Variants in GPR63 observed in about 807,000 individuals in gnomAD.
The protein encoded by GPR63 is probable G protein-coupled receptor 63.
A neutral mutation model predicts 23.1 loss-of-function variants in GPR63; 12 were observed. The ratio of observed to expected loss-of-function variants is 0.52; its 90% CI spans 0.33 to 0.84. GPR63 has a LOEUF of 0.84. Among genes scored for constraint, GPR63 ranks in the 40% least tolerant of loss-of-function variants. The probability of loss-of-function intolerance (pLI) is 0.02; values close to 1 mark genes in which losing one functional copy is unlikely to be tolerated. For synonymous variants in GPR63, 172 were observed against 191.1 expected (o/e 0.90, Z 0.82); for missense variants, 472 against 515.6 (o/e 0.92, Z 0.82).
intron 1 of GPR63, among the ~76,000 whole-genome samples, chr6:96,804,295 G>A (rs1281419380): frequency 6.6e-6 from 1 of 152,058 alleles, no homozygotes; most frequent in Non-Finnish European, 1.5e-5. Context: ...GGAGTGTGGT[G>A]GCACAATCAC....
chr6:96,808,596 G>A (rs1315132616), intron 1 of GPR63, among the ~76,000 whole-genome samples: 1 of 152,156 alleles, frequency 6.6e-6, no homozygotes, highest in Non-Finnish European at 1.5e-5. Context: ...TGATGCTGCA[G>A]TAATATAAAT....
chr6:96,834,715 A>C (rs2127963708), intron 1 of GPR63, among the ~76,000 whole-genome samples: 1 of 152,362 alleles, frequency 6.6e-6, no homozygotes, highest in Non-Finnish European at 1.5e-5. Flanking sequence ...TTCATACATA[A>C]GCTGAAATAT....
At chr6:96,810,587 T>C (rs1365414084) in intron 1 of GPR63, among the ~76,000 whole-genome samples, 3 of 151,292 alleles carry the variant, frequency 2.0e-5, no homozygotes, top group Non-Finnish European at 4.4e-5. Context: ...TAGGTCAATC[T>C]AGAATAGTGA....
intron 1 of GPR63, among the ~76,000 whole-genome samples, chr6:96,822,360 G>A (rs780728904): frequency 4.6e-5 from 7 of 151,892 alleles, no homozygotes; most frequent in Non-Finnish European, 2.9e-5. Context: ...GGTTAACTTG[G>A]GAAGGTTCCG....
At chr6:96,826,770 T>C (rs776932039) in intron 1 of GPR63, among the ~76,000 whole-genome samples, 5 of 151,818 alleles carry the variant, frequency 3.3e-5, no homozygotes, top group Non-Finnish European at 5.9e-5. Flanking sequence ...AACTCTACCA[T>C]GTCAAAAGAA....
intron 1 of GPR63, among the ~76,000 whole-genome samples, chr6:96,835,381 A>T (rs2127964112): frequency 6.6e-6 from 1 of 152,266 alleles, no homozygotes; most frequent in East Asian, 1.9e-4. Flanking sequence ...ATACATAAAT[A>T]TAGATATATG....
intron 1 of GPR63, among the ~76,000 whole-genome samples, chr6:96,821,741 C>T (rs936077229): frequency 2.0e-5 from 3 of 152,098 alleles, no homozygotes; most frequent in Non-Finnish European, 4.4e-5. Context: ...GTACCAAGAC[C>T]ATATATGACA....
intron 1 of GPR63, among the ~76,000 whole-genome samples, chr6:96,824,770 T>G (rs1380524801): frequency 6.6e-6 from 1 of 152,132 alleles, no homozygotes; most frequent in Non-Finnish European, 1.5e-5. Flanking sequence ...TGGTTGTTAC[T>G]GGGTTTCCCA....
chr6:96,800,958 C>T (rs1379798139), intron 1 of GPR63, among the ~76,000 whole-genome samples: 1 of 152,174 alleles, frequency 6.6e-6, no homozygotes, highest in African/African-American at 2.4e-5. Flanking sequence ...CAATTTCTTA[C>T]CCAGATTTCT....
At chr6:96,829,789 C>T (rs375360476) in intron 1 of GPR63, among the ~76,000 whole-genome samples, 2 of 152,020 alleles carry the variant, frequency 1.3e-5, no homozygotes, top group African/African-American at 4.8e-5. Flanking sequence ...GCAAGACTCA[C>T]AACTGAGCTA....
intron 1 of GPR63, among the ~76,000 whole-genome samples, chr6:96,823,281 T>C (rs972830817): frequency 1.3e-5 from 2 of 152,178 alleles, no homozygotes; most frequent in Non-Finnish European, 1.5e-5. Context: ...TCACAGGAGA[T>C]GACGGCTCCA....
At chr6:96,814,740 T>TC (rs1312153735) in intron 1 of GPR63, among the ~76,000 whole-genome samples, 3 of 152,140 alleles carry the variant, frequency 2.0e-5, no homozygotes, top group African/African-American at 4.8e-5. Context: ...AGACTAGCCT[T>TC]CCCTAAAGGC....
intron 1 of GPR63, among the ~76,000 whole-genome samples, chr6:96,808,824 T>C (rs1370649284): frequency 6.6e-6 from 1 of 152,140 alleles, no homozygotes; most frequent in East Asian, 1.9e-4. Flanking sequence ...GTGCACAATG[T>C]GCAGGTTAGT....
At chr6:96,830,646 G>GT (rs1247225064) in intron 1 of GPR63, among the ~76,000 whole-genome samples, 7 of 152,136 alleles carry the variant, frequency 4.6e-5, no homozygotes, top group Admixed American at 4.6e-4. Context: ...GTACATGCGT[G>GT]TTTACCTTCT....
chr6:96,823,875 G>C (rs1209625922), intron 1 of GPR63, among the ~76,000 whole-genome samples: 1 of 152,134 alleles, frequency 6.6e-6, no homozygotes, highest in Non-Finnish European at 1.5e-5. Context: ...TTGTAGCCCA[G>C]AGACAATAGC....
intron 1 of GPR63, among the ~76,000 whole-genome samples, chr6:96,802,690 C>G (rs1297605309): frequency 6.7e-6 from 1 of 148,454 alleles, no homozygotes; most frequent in African/African-American, 2.5e-5. Flanking sequence ...CAAGCACCTG[C>G]CACCATGCCC....
intron 1 of GPR63, among the ~76,000 whole-genome samples, chr6:96,814,744 T>C (rs2127952636): frequency 6.6e-6 from 1 of 152,230 alleles, no homozygotes; most frequent in Middle Eastern, 3.4e-3. Flanking sequence ...TAGCCTTCCC[T>C]AAAGGCTTCA....
In GPR63 at chr6:96,796,777, G is replaced by A. The variant is rs1295487780; in HGVS notation, c.*1695C>T. 1 of 150,286 alleles carries A rather than the reference G, an allele frequency of 6.7e-6. No homozygotes were observed. Among genetic ancestry groups the A allele is most frequent in the Non-Finnish European group, 1.5e-5 (1 of 67,462 alleles). The allele number at this position is 150,286 out of a possible 1,614,324, so 9.3% of individuals were successfully genotyped here. A position where few individuals can be genotyped will look rare whatever the true frequency, so the allele number is the denominator to read the frequency against. On this transcript the variant is annotated 3_prime_UTR_variant, in exon 2 of 2. Coordinates refer to ENST00000229955, the MANE Select transcript of GPR63 (RefSeq NM_030784.4). ...ACAACTGGAAACCTCCAAACCCGCA[G>A]GGGCAAGACCTACACATAGCTATCT...
rs541848578 is a variant in GPR63 at position 96,794,365 on chromosome 6, A to G, written c.*4107T>C. ...CCTCCAATAACAAACTTGTGCTTTG[A>G]TATTTTTTATCATAAAAACTGAGTT... On this transcript the variant is annotated 3_prime_UTR_variant, in exon 2 of 2. Coordinates refer to ENST00000229955, the MANE Select transcript of GPR63 (RefSeq NM_030784.4). 3.2e-4 allele frequency: 49 copies of G among 152,248 alleles called. No homozygotes were observed. Among genetic ancestry groups the G allele is most frequent in the African/African-American group, 1.1e-3 (47 of 41,570 alleles). The allele number at this position is 152,248 out of a possible 1,614,324, so 9.4% of individuals were successfully genotyped here.
Sources: gnomAD v4.1 joint callset for allele counts (sites outside exome capture counted in the v4.1 genomes callset) on GRCh38, gnomAD v4.1.1 for gene constraint, MANE v1.5 for transcripts, NCBI Gene and HGNC (gene_info 2026-07-23, HGNC 2026-07-21) for gene names.